Variants in FGD4 observed in about 807,000 individuals in gnomAD.
FGD4 encodes FYVE, RhoGEF and PH domain containing 4.
In FGD4, 42 loss-of-function variants were observed where a neutral mutation model predicts 102.0. The ratio of observed to expected loss-of-function variants is 0.41; its 90% CI spans 0.32 to 0.53. The LOEUF (loss-of-function observed/expected upper bound fraction) is 0.53. Ranked by LOEUF, FGD4 falls within the 20% of genes least tolerant of loss-of-function variation. The pLI, the probability that FGD4 is intolerant of heterozygous loss-of-function variation, is 0.21. For synonymous variants in FGD4, 380 were observed against 375.7 expected (o/e 1.01, Z -0.13); for missense variants, 902 against 1,078.2 (o/e 0.84, Z 2.29).
chr12:32,512,022 T>A (rs1459952606), intron 1 of FGD4: 1 of 152,198 alleles, frequency 6.6e-6, no homozygotes, highest in East Asian at 1.9e-4. Context: ...ATGATTAATA[T>A]TGCTTTTCTT....
At position 32,608,102 on chromosome 12, in the gene FGD4, GC is replaced by G. The variant is rs1565900941; in HGVS notation, c.1543+8del. 6.2e-7 allele frequency: 1 copy of G among 1,613,942 alleles called. No individual in the cohort carries two copies. The highest frequency in any genetic ancestry group is 1.1e-5 in the South Asian group (1 of 91,076). On this transcript the variant is annotated splice_region_variant and intron_variant, in intron 8 of 16. Transcript: ENST00000534526. ...GACTGGAATGATGCTAAAAGTAAAT[GC>G]TTTTTTTTTGTTTTCTCCCTATTTT... is the stretch of plus-strand genomic sequence containing the variant.
In FGD4 at chr12:32,640,341, A is replaced by G. The variant is rs1383555415; in HGVS notation, c.2520A>G (p.Ala840=). The G allele has an allele frequency of 1.2e-6, 2 of 1,614,222 alleles. No individual in the cohort carries two copies. Among genetic ancestry groups the G allele is most frequent in the Non-Finnish European group, 1.7e-6 (2 of 1,180,034 alleles). The change falls in exon 17 of 17, where the codon GCA becomes GCG. Residue 840 remains alanine (A), a synonymous_variant. Transcript: ENST00000534526. Reference sequence around the variant, plus strand: ...TGGTGGATGAAATGCCAAGGAGCGCAGACCTGCCACACAGTTTCAAACTGA... The same window carrying G: ...TGGTGGATGAAATGCCAAGGAGCGCGGACCTGCCACACAGTTTCAAACTGA... The part of the protein sequence containing the change: ...GYVVDEMPRS[A]DLPHSFKLTQ...
chr12:32,631,536 G>A (rs1238060043), intron 14 of FGD4, among the ~76,000 whole-genome samples: 3 of 130,230 alleles, frequency 2.3e-5, no homozygotes, highest in East Asian at 2.1e-4. Context: ...GCGGAGTCTC[G>A]CTCTGTCACC....
chr12:32,605,688 T>A (rs570985703), intron 7 of FGD4, among the ~76,000 whole-genome samples: 2 of 152,326 alleles, frequency 1.3e-5, no homozygotes, highest in East Asian at 3.9e-4. Flanking sequence ...TTACATAGAG[T>A]AGATAATTAT....
chr12:32,640,166 G>A (rs556804174), intron 16 of FGD4, 110 bp from the exon 17 acceptor site: 33 of 1,554,822 alleles, frequency 2.1e-5, no homozygotes, highest in African/African-American at 4.1e-5. Context: ...AGAACTCACC[G>A]TTTAAGTCTG....
chr12:32,568,752 T>A (rs1482558965), intron 2 of FGD4, among the ~76,000 whole-genome samples: 1 of 152,230 alleles, frequency 6.6e-6, no homozygotes, highest in East Asian at 1.9e-4. Flanking sequence ...AAGTGTAATG[T>A]TATAATGCAT....
At chr12:32,553,515 C>T (rs964948402) in intron 1 of FGD4, among the ~76,000 whole-genome samples, 1 of 152,158 alleles carries the variant, frequency 6.6e-6, no homozygotes, top group Non-Finnish European at 1.5e-5. Flanking sequence ...CTGTCAACTG[C>T]GTGGCCACAT....
At chr12:32,621,487 T>C (rs1355323828) in intron 11 of FGD4, among the ~76,000 whole-genome samples, 1 of 152,188 alleles carries the variant, frequency 6.6e-6, no homozygotes, top group Non-Finnish European at 1.5e-5. Context: ...TGTTTCTGGC[T>C]GCTCAGGTGA....
Position 32,467,042 on chromosome 12 carries a change from A to G in FGD4, c.166+67083A>G, listed in dbSNP as rs566715695. On this transcript the variant is annotated intron_variant, in intron 1 of 16. Transcript: ENST00000534526. The stretch of plus-strand genomic sequence containing the variant: ...CATATATTTTATTAGGTAGAAATAT[A>G]TTTTATTAAGTAAAAATTCTAAAAC... 3.9e-5 allele frequency among the ~76,000 whole-genome samples: 6 copies of G among 152,168 alleles called. No individual in the cohort carries two copies. The South Asian group carries it at 1.2e-3, about 32-fold the overall frequency.
At chr12:32,416,546 A>G (rs945825850) in intron 1 of FGD4, among the ~76,000 whole-genome samples, 4 of 152,182 alleles carry the variant, frequency 2.6e-5, no homozygotes, top group African/African-American at 9.7e-5. Context: ...CATAAAACAC[A>G]ACAATTAGTA....
intron 1 of FGD4, among the ~76,000 whole-genome samples, chr12:32,412,237 T>C (rs2136397941): frequency 6.6e-6 from 1 of 152,330 alleles, no homozygotes; most frequent in Middle Eastern, 3.4e-3. Flanking sequence ...GCAGACGTTA[T>C]TTTGTAGAAA....
Position 32,563,095 on chromosome 12 carries a change from A to AC in FGD4, c.167-1034dup, listed in dbSNP as rs1269705037. ...GGGCGGCTGGCCGGGCGGGGGGCTG[A>AC]CCCCCCCCACCTCCCTCCCGGACGG... On this transcript the variant is annotated intron_variant, in intron 1 of 16. Coordinates refer to ENST00000534526, the MANE Select transcript of FGD4 (RefSeq NM_001370298.3). Among the ~76,000 whole-genome samples the AC allele has an allele frequency of 1.3e-3, 171 of 132,590 alleles. 1 individual carries two copies. The highest frequency in any genetic ancestry group is 3.6e-3 in the African/African-American group (123 of 34,374). The allele number at this position is 132,590 out of a possible 152,430, so 87.0% of individuals were successfully genotyped here.
chr12:32,560,224 G>T lies in FGD4; in HGVS notation c.167-3913G>T, dbSNP rs960516269. Among the ~76,000 whole-genome samples the T allele has an allele frequency of 2.0e-5, 3 of 152,264 alleles. No homozygotes were observed. In the East Asian group the frequency reaches 5.8e-4, roughly 29 times the overall value. On this transcript the variant is annotated intron_variant, in intron 1 of 16. Transcript: ENST00000534526. The stretch of plus-strand genomic sequence containing the variant: ...GATAGATAAGCTTACACATGTAAAG[G>T]TTTCAACTGTATTTCTTCTGTTTAT...
intron 4 of FGD4, among the ~76,000 whole-genome samples, chr12:32,597,339 TCATAAGTAGGA>T (rs1228331135): frequency 6.6e-6 from 1 of 152,180 alleles, no homozygotes; most frequent in African/African-American, 2.4e-5. Flanking sequence ...AGACATAGTA[TCATAAGTAGGA>T]CTTGGTAGCA....
chr12:32,601,515 T>C, intron 6 of FGD4, 92 bp downstream of exon 6: 1 of 1,426,842 alleles, frequency 7.0e-7, no homozygotes, highest in Non-Finnish European at 9.4e-7. Flanking sequence ...CACACAACTG[T>C]AACTAGACAT....
intron 1 of FGD4, among the ~76,000 whole-genome samples, chr12:32,437,499 A>G (rs1414741266): frequency 6.6e-6 from 1 of 152,216 alleles, no homozygotes. Context: ...AGGCCTTTTT[A>G]AAGATGTTTG....
chr12:32,457,041 T>C (rs1942966706), intron 1 of FGD4, among the ~76,000 whole-genome samples: 3 of 152,218 alleles, frequency 2.0e-5, no homozygotes, highest in Non-Finnish European at 4.4e-5. Context: ...TATTCTAAGC[T>C]CTGTAATGAG....
intron 1 of FGD4, among the ~76,000 whole-genome samples, chr12:32,430,659 A>C (rs1219368857): frequency 6.6e-6 from 1 of 152,188 alleles, no homozygotes; most frequent in Non-Finnish European, 1.5e-5. Flanking sequence ...TATCAATATC[A>C]TGATCTTACT....
At chr12:32,526,306 T>G (rs1204374016) in intron 1 of FGD4, among the ~76,000 whole-genome samples, 1 of 151,526 alleles carries the variant, frequency 6.6e-6, no homozygotes, top group Non-Finnish European at 1.5e-5. Flanking sequence ...GGATTGTAAA[T>G]ACACCAATCG....
Sources: allele counts gnomAD v4.1 joint callset (sites outside exome capture counted in the v4.1 genomes callset), GRCh38; gene constraint gnomAD v4.1.1; transcripts MANE v1.5; gene names NCBI Gene and HGNC (gene_info 2026-07-23, HGNC 2026-07-21).